TBCD: variants seen among roughly 807,000 people sequenced by gnomAD.
TBCD encodes the protein tubulin folding cofactor D, also known as tubulin-specific chaperone D.
TBCD carries 105 observed loss-of-function variants against 169.3 expected under a neutral mutation model. That is an observed-to-expected ratio of 0.62 (90% CI 0.53 to 0.73). TBCD has a LOEUF of 0.73. TBCD is among the 30% of genes least tolerant of loss of function. The pLI is 0.00. For missense variants in TBCD, 1,444 were observed against 1,600.1 expected (o/e 0.90, Z 1.66); for synonymous variants, 700 against 643.9 (o/e 1.09, Z -1.32).
chr17:82,896,713 CT>C (rs1431301047), intron 17 of TBCD, among the ~76,000 whole-genome samples: 1 of 152,166 alleles, frequency 6.6e-6, no homozygotes, highest in Non-Finnish European at 1.5e-5. Flanking sequence ...ATCCACCTGC[CT>C]TGGCCTCCCA....
intron 37 of TBCD, among the ~76,000 whole-genome samples, chr17:82,940,969 A>G (rs1258009755): frequency 6.6e-6 from 1 of 152,178 alleles, no homozygotes; most frequent in Non-Finnish European, 1.5e-5. Context: ...AAAAAAAAAA[A>G]TCCTTAGAAT....
intron 13 of TBCD, chr17:82,830,378 GGC>G (rs2053374781): frequency 6.2e-7 from 1 of 1,612,732 alleles, no homozygotes; most frequent in South Asian, 1.1e-5. Flanking sequence ...ATGTTCCTGG[GGC>G]TGTAGGCCGC....
chr17:82,868,890 G>A (rs540481737), intron 13 of TBCD, among the ~76,000 whole-genome samples: 72 of 152,310 alleles, frequency 4.7e-4, no homozygotes, highest in African/African-American at 1.4e-3. Context: ...GTGTACAGAC[G>A]GCGTGTGCGT....
At chr17:82,809,605 C>G in intron 11 of TBCD, 103 bp from the exon 12 acceptor site, 2 of 1,273,762 alleles carry the variant, frequency 1.6e-6, no homozygotes, top group South Asian at 2.6e-5. Context: ...CTCTCCTGGT[C>G]TCTGGAGGAA....
At position 82,920,878 on chromosome 17, in the gene TBCD, C is replaced by T. The variant is rs114168514; in HGVS notation, c.2101+260C>T. ...CCTCCTCGCTTCCATGCCCAGGGCC[C>T]GGCACTCTGGGTCAGTTCTTCTCCC... On this transcript the variant is annotated intron_variant, in intron 24 of 38. Transcript: ENST00000355528. This position sits in a 1 kb window ranked among gnomAD's most constrained non-coding sequence, Gnocchi z 4.1. 6.9e-3 allele frequency: 3,398 copies of T among 493,230 alleles called. 105 individuals carry two copies. Among genetic ancestry groups the T allele is most frequent in the African/African-American group, 0.06 (3,059 of 51,008 alleles). The allele number at this position is 493,230 out of a possible 1,614,324, so 30.6% of individuals were successfully genotyped here.
At chr17:82,845,569 C>G (rs1000022488) in intron 13 of TBCD, among the ~76,000 whole-genome samples, 5 of 151,222 alleles carry the variant, frequency 3.3e-5, no homozygotes, top group Non-Finnish European at 7.4e-5. Flanking sequence ...CCCTTCCTCT[C>G]CGTCTGTCCT....
chr17:82,792,128 T>C (rs1025861967), intron 7 of TBCD, among the ~76,000 whole-genome samples: 1 of 152,064 alleles, frequency 6.6e-6, no homozygotes, highest in Non-Finnish European at 1.5e-5. Context: ...GCTAAAATGG[T>C]GAAACCCCAT....
intron 1 of TBCD, among the ~76,000 whole-genome samples, chr17:82,754,230 G>T (rs1279787576): frequency 6.6e-6 from 1 of 152,112 alleles, no homozygotes; most frequent in South Asian, 2.1e-4. Context: ...TAATCTGGGG[G>T]AAAGGGTGGG....
chr17:82,846,950 C>T (rs1265087715), intron 13 of TBCD, among the ~76,000 whole-genome samples: 1 of 152,244 alleles, frequency 6.6e-6, no homozygotes, highest in Non-Finnish European at 1.5e-5. Context: ...TCCTCACCCG[C>T]CATGTGCCTG....
chr17:82,791,448 C>A (rs1206800765), intron 7 of TBCD, among the ~76,000 whole-genome samples: 2 of 152,134 alleles, frequency 1.3e-5, no homozygotes, highest in African/African-American at 4.8e-5. Flanking sequence ...CTTTTGCGAG[C>A]TTTTGCTGGG....
At chr17:82,754,406 G>A (rs972361003) in intron 1 of TBCD, among the ~76,000 whole-genome samples, 3 of 152,176 alleles carry the variant, frequency 2.0e-5, no homozygotes, top group African/African-American at 7.2e-5. Context: ...GAAACAATCT[G>A]AAAAGATATC....
rs1259649155 is a variant in TBCD at position 82,860,977 on chromosome 17, T to C, written c.1319-9247T>C. ...ACTTGGCGGGGGGAGCTCTTCAGAA[T>C]CTGTCACATGCACGTGAATGCTTTA... On this transcript the variant is annotated intron_variant, in intron 13 of 38. Transcript: ENST00000355528. 3.9e-5 allele frequency among the ~76,000 whole-genome samples: 6 copies of C among 152,198 alleles called. No homozygotes were observed. In the East Asian group the frequency reaches 1.2e-3, roughly 29 times the overall value.
chr17:82,889,540 C>A lies in TBCD; in HGVS notation c.1534-128C>A. 8.8e-7 allele frequency: 1 copy of A among 1,134,598 alleles called. No homozygotes were observed. Among genetic ancestry groups the A allele is most frequent in the Non-Finnish European group, 1.3e-6 (1 of 777,290 alleles). 70.3% of individuals were successfully genotyped at this position (1,134,598 alleles called of 1,614,324 possible). ...GCACCTTGAGGCTCTGTTCAGCCAA[C>A]AATGAGGGCTTTTATTTAAAAAATA... is the stretch of plus-strand genomic sequence containing the variant. On this transcript the variant is annotated intron_variant, in intron 15 of 38. Transcript: ENST00000355528. This position sits in a 1 kb window ranked among gnomAD's most constrained non-coding sequence, Gnocchi z 5.3.
At chr17:82,839,299 A>G (rs1014952351) in intron 13 of TBCD, among the ~76,000 whole-genome samples, 41 of 152,192 alleles carry the variant, frequency 2.7e-4, no homozygotes, top group African/African-American at 8.9e-4. Flanking sequence ...TGATGTACTT[A>G]TACCACACAT....
Position 82,831,506 on chromosome 17 carries a change from T to C in TBCD, c.1318+16572T>C. 1.2e-6 allele frequency: 2 copies of C among 1,614,090 alleles called. No individual in the cohort carries two copies. The highest frequency in any genetic ancestry group is 1.7e-6 in the Non-Finnish European group (2 of 1,180,018). ...TCTGGCCTGTAAAATCCGTAAGGAATCGGCAGGTTAGAGGGATATTGCTGG... is the reference window on the plus strand; with the variant it reads ...TCTGGCCTGTAAAATCCGTAAGGAACCGGCAGGTTAGAGGGATATTGCTGG... On this transcript the variant is annotated intron_variant, in intron 13 of 38. Coordinates refer to ENST00000355528, the MANE Select transcript of TBCD (RefSeq NM_005993.5). This position sits in a 1 kb window ranked among gnomAD's most constrained non-coding sequence, Gnocchi z 4.6.
chr17:82,846,272 G>GCCGTA (rs2055068649), intron 13 of TBCD, among the ~76,000 whole-genome samples: 1 of 149,890 alleles, frequency 6.7e-6, no homozygotes, highest in Admixed American at 6.6e-5. Context: ...TCTGTGCTGT[G>GCCGTA]TCCTCTTGTC....
At chr17:82,770,186 G>C (rs1823556708) in intron 5 of TBCD, among the ~76,000 whole-genome samples, 1 of 152,122 alleles carries the variant, frequency 6.6e-6, no homozygotes, top group Non-Finnish European at 1.5e-5. Flanking sequence ...AGTGTCTTAC[G>C]ATGTCAGAAA....
rs181287904 is a variant in TBCD, at chr17:82,847,202, A to G, written c.1319-23022A>G. Among the ~76,000 whole-genome samples the G allele has an allele frequency of 1.6e-3, 239 of 151,924 alleles. 1 individual carries two copies. Among genetic ancestry groups the G allele is most frequent in the African/African-American group, 5.6e-3 (233 of 41,420 alleles). ...CCGTCTCTACTAAAAATACACAAAA[A>G]ATTAGCTGGGCGTGGTGGTGGGTGC... On this transcript the variant is annotated intron_variant, in intron 13 of 38. Coordinates refer to ENST00000355528, the MANE Select transcript of TBCD (RefSeq NM_005993.5).
chr17:82,941,379 G>A lies in TBCD; in HGVS notation c.3480-20G>A, dbSNP rs557927588. ...TCCGGTGGGCACTCGAGAGACTCAC[G>A]GCTCTCCCTCTCCTCACAGGGACGC... On this transcript the variant is annotated intron_variant, in intron 37 of 38. Transcript: ENST00000355528. The A allele has an allele frequency of 1.0e-5, 16 of 1,568,494 alleles. No individual in the cohort carries two copies. In the African/African-American group the frequency reaches 1.5e-4, roughly 15 times the overall value.
Sources: allele counts gnomAD v4.1 joint callset (sites outside exome capture counted in the v4.1 genomes callset), GRCh38; gene constraint gnomAD v4.1.1; non-coding constraint Gnocchi (gnomAD v3.1); transcripts MANE v1.5; gene names NCBI Gene and HGNC (gene_info 2026-07-23, HGNC 2026-07-21).